The following CDH20 variants were observed in gnomAD, a reference collection of about 807,000 sequenced individuals.
The protein encoded by CDH20 is cadherin-20.
A neutral mutation model predicts 74.2 loss-of-function variants in CDH20; 29 were observed. That is an observed-to-expected ratio of 0.39 (90% CI 0.29 to 0.53). The LOEUF is 0.53. Among genes scored for constraint, CDH20 ranks in the 20% least tolerant of loss-of-function variants. The pLI is 0.69. For missense variants in CDH20, 988 were observed against 1,048.3 expected, an observed-to-expected ratio of 0.94 and a Z score of 0.79; for synonymous variants, 469 against 405.4, an observed-to-expected ratio of 1.16 and a Z score of -1.88.
At chr18:61,488,712 T>G (rs1037144685) in intron 1 of CDH20, among the ~76,000 whole-genome samples, 2 of 152,100 alleles carry the variant, frequency 1.3e-5, no homozygotes, top group African/African-American at 2.4e-5. Flanking sequence ...GCAGTGGCTT[T>G]TTTTTTGTTT....
intron 1 of CDH20, among the ~76,000 whole-genome samples, chr18:61,444,008 G>A (rs971990574): frequency 2.6e-5 from 4 of 152,040 alleles, no homozygotes; most frequent in African/African-American, 9.7e-5. Flanking sequence ...GTCTGGACCC[G>A]TTACTCTTTC....
chr18:61,449,238 A>G (rs1392452543), intron 1 of CDH20, among the ~76,000 whole-genome samples: 1 of 152,164 alleles, frequency 6.6e-6, no homozygotes, highest in Non-Finnish European at 1.5e-5. Flanking sequence ...TGAAATACAG[A>G]ATGCAGCCTT....
intron 1 of CDH20, among the ~76,000 whole-genome samples, chr18:61,426,910 G>T (rs1280000804): frequency 6.6e-6 from 1 of 152,166 alleles, no homozygotes; most frequent in Non-Finnish European, 1.5e-5. Context: ...GAACGAGGGA[G>T]CGTAGTCATT....
chr18:61,445,991 G>A (rs949928270), intron 1 of CDH20, among the ~76,000 whole-genome samples: 6 of 152,030 alleles, frequency 3.9e-5, no homozygotes, highest in Admixed American at 6.6e-5. Flanking sequence ...ATGTACCCTG[G>A]GCTTCCTCAA....
At chr18:61,344,562 G>A (rs1228725141) in intron 1 of CDH20, among the ~76,000 whole-genome samples, 3 of 152,112 alleles carry the variant, frequency 2.0e-5, no homozygotes, top group Non-Finnish European at 4.4e-5. Context: ...AATATCTTCC[G>A]AAGAATAAAA....
At chr18:61,506,759 A>G (rs997543791) in intron 5 of CDH20, among the ~76,000 whole-genome samples, 1 of 152,186 alleles carries the variant, frequency 6.6e-6, no homozygotes, top group Non-Finnish European at 1.5e-5. Flanking sequence ...AACAAGAAGC[A>G]TGAAGGGTCT....
chr18:61,467,053 G>A (rs182127007), intron 1 of CDH20, among the ~76,000 whole-genome samples: 229 of 152,220 alleles, frequency 1.5e-3, no homozygotes, highest in African/African-American at 5.3e-3. Context: ...AAGGCTGCAG[G>A]GGCCAGTCCT....
intron 1 of CDH20, among the ~76,000 whole-genome samples, chr18:61,364,835 G>A (rs1301398225): frequency 6.6e-6 from 1 of 152,176 alleles, no homozygotes; most frequent in Non-Finnish European, 1.5e-5. Context: ...CCAGTCTCAG[G>A]TGTTCCCTCA....
intron 6 of CDH20, among the ~76,000 whole-genome samples, chr18:61,515,543 T>A (rs1295184245): frequency 6.6e-6 from 1 of 151,866 alleles, no homozygotes; most frequent in African/African-American, 2.4e-5. Context: ...TGTCCAACAA[T>A]GATAGACTGG....
At chr18:61,447,134 T>G (rs1353968323) in intron 1 of CDH20, among the ~76,000 whole-genome samples, 1 of 152,170 alleles carries the variant, frequency 6.6e-6, no homozygotes, top group Admixed American at 6.5e-5. Flanking sequence ...ACCTTCCCCT[T>G]GAGGGAAAAA....
At chr18:61,366,118 T>C (rs1290378457) in intron 1 of CDH20, among the ~76,000 whole-genome samples, 2 of 152,202 alleles carry the variant, frequency 1.3e-5, no homozygotes, top group African/African-American at 2.4e-5. Context: ...TAATCTGTAA[T>C]GCTGAACTCT....
At chr18:61,428,266 C>T (rs1016541380) in intron 1 of CDH20, among the ~76,000 whole-genome samples, 3 of 152,118 alleles carry the variant, frequency 2.0e-5, no homozygotes, top group South Asian at 2.1e-4. Context: ...AGAGATCCCT[C>T]GGGCTCTGTT....
At chr18:61,388,878 C>T (rs1490434649) in intron 1 of CDH20, among the ~76,000 whole-genome samples, 1 of 152,134 alleles carries the variant, frequency 6.6e-6, no homozygotes, top group Non-Finnish European at 1.5e-5. Context: ...AAACTCTGAA[C>T]CTTGTTTTCC....
intron 1 of CDH20, among the ~76,000 whole-genome samples, chr18:61,392,027 G>A (rs1447196864): frequency 3.3e-5 from 5 of 152,014 alleles, no homozygotes; most frequent in African/African-American, 1.2e-4. Context: ...TACAATGCTA[G>A]CCGAATCTTT....
rs185489122 is a variant in CDH20 at position 61,386,297 on chromosome 18, G to A, written c.-153+52470G>A. The stretch of plus-strand genomic sequence containing the variant: ...TGGCAGTTGACTTAGCCATTGATTA[G>A]GCCCTTTTATAAGGTCTCACAGGGA... On this transcript the variant is annotated intron_variant, in intron 1 of 11. Transcript: ENST00000262717. Among the ~76,000 whole-genome samples the A allele has an allele frequency of 1.8e-4, 27 of 152,236 alleles. No individual in the cohort carries two copies. The East Asian group carries it at 5.2e-3, about 29-fold the overall frequency.
intron 1 of CDH20, among the ~76,000 whole-genome samples, chr18:61,421,583 A>G (rs1424093094): frequency 6.6e-6 from 1 of 152,202 alleles, no homozygotes; most frequent in African/African-American, 2.4e-5. Flanking sequence ...ATTGATCAGT[A>G]GAGTTACTAT....
rs556821020 is a variant in CDH20 at position 61,498,929 on chromosome 18, G to A, written c.247-257G>A. 4.6e-5 allele frequency among the ~76,000 whole-genome samples: 7 copies of A among 152,104 alleles called. No homozygotes were observed. In the South Asian group the frequency reaches 1.5e-3, roughly 32 times the overall value. ...AGTTCCTGTTTTCCATACTTATCAG[G>A]GAGAAGAATTTTGTTTAAATAATGG... On this transcript the variant is annotated intron_variant, in intron 2 of 11. Coordinates refer to ENST00000262717, the MANE Select transcript of CDH20 (RefSeq NM_031891.4).
chr18:61,343,824 G>A (rs985734094), intron 1 of CDH20, among the ~76,000 whole-genome samples: 1 of 152,184 alleles, frequency 6.6e-6, no homozygotes, highest in Non-Finnish European at 1.5e-5. Context: ...CAGGGTCAAT[G>A]AGTGGGAAGC....
chr18:61,492,608 ATG>A (rs1482744412), intron 2 of CDH20, among the ~76,000 whole-genome samples: 4 of 152,176 alleles, frequency 2.6e-5, no homozygotes, highest in African/African-American at 9.7e-5. Flanking sequence ...TTGCAGCGGT[ATG>A]ACCTTTGACA....
Sources: allele counts gnomAD v4.1 joint callset (sites outside exome capture counted in the v4.1 genomes callset), GRCh38; gene constraint gnomAD v4.1.1; transcripts MANE v1.5; gene names NCBI Gene and HGNC (gene_info 2026-07-23, HGNC 2026-07-21).